Variants in SMIM27 observed in about 807,000 individuals in gnomAD.
The protein encoded by SMIM27 is transition zone microprotein 1.
SMIM27 carries 3 observed loss-of-function variants against 1.8 expected under a neutral mutation model. The observed-to-expected ratio is 1.65, with a 90% CI of 0.75 to 4.28. The LOEUF (loss-of-function observed/expected upper bound fraction) is 4.28, where lower values mean the gene tolerates loss of function less well. Ranked by LOEUF, SMIM27 falls within the 30% of genes most tolerant of loss-of-function variation. The probability of loss-of-function intolerance (pLI) is 0.02; values close to 1 mark genes in which losing one functional copy is unlikely to be tolerated. For synonymous variants in SMIM27, 19 were observed against 13.9 expected, an observed-to-expected ratio of 1.37 and a Z score of -0.82; for missense variants, 63 against 37.0, an observed-to-expected ratio of 1.70 and a Z score of -1.83.
chr9:32,559,059 A>T, intron 1 of SMIM27: 1 of 686,532 alleles, frequency 1.5e-6, no homozygotes, highest in South Asian at 2.1e-5. Context: ...AAACTTTCAC[A>T]GAACTCCAGA....
upstream of SMIM27, among the ~76,000 whole-genome samples, chr9:32,551,967 G>A (rs940082163): frequency 5.3e-5 from 8 of 151,880 alleles, no homozygotes; most frequent in Non-Finnish European, 4.4e-5. Context: ...CATCTAAATC[G>A]TGTGGTATCA....
rs757342756 is a variant in SMIM27, at chr9:32,552,417, TGC to T, written c.-17_-16del. On this transcript the variant is annotated 5_prime_UTR_variant, in exon 1 of 2. Coordinates refer to ENST00000692500, the MANE Select transcript of SMIM27 (RefSeq NM_001387564.1). ...GCAGCTCCCGCCAGCTCCCGCGGAC[TGC>T]TGCCGCCTCCTTACCATGAAGCCAG... The T allele has an allele frequency of 1.2e-6, 2 of 1,609,190 alleles. No homozygotes were observed. Among genetic ancestry groups the T allele is most frequent in the South Asian group, 2.2e-5 (2 of 90,128 alleles).
Position 32,552,464 on chromosome 9 carries a change from C to T in SMIM27, c.30C>T (p.Asp10=). ...AGCCAGTAAGTCGTCGCACGCTGGA[C>T]TGGATTTATTCAGTGGTAAGTCCCG... MKPVSRRTL[D]WIYSVLLLAI... The change falls in exon 1 of 2, where the codon GAC becomes GAT. Residue 10 remains aspartate (D), a synonymous_variant. Transcript: ENST00000692500. 5.6e-6 allele frequency: 9 copies of T among 1,600,564 alleles called. No homozygotes were observed. Among genetic ancestry groups the T allele is most frequent in the Non-Finnish European group, 7.7e-6 (9 of 1,174,082 alleles).
At chr9:32,551,238 T>A, upstream of SMIM27, 1 of 584,942 alleles carries the variant, frequency 1.7e-6, no homozygotes, top group Admixed American at 3.0e-5. Context: ...TGTTCGCCCC[T>A]AACTTACCCG....
chr9:32,565,820 A>G lies in SMIM27; in HGVS notation c.46-571A>G, dbSNP rs1587647400. Among the ~76,000 whole-genome samples, 3 of 152,192 alleles carry G rather than the reference A, an allele frequency of 2.0e-5. No individual in the cohort carries two copies. The Middle Eastern group carries it at 0.01, about 518-fold the overall frequency. ...AACCCTGTCTCTACTAAAAATACAA[A>G]AATTAGCCAGGCATGGTGGCACATA... is the stretch of plus-strand genomic sequence containing the variant. On this transcript the variant is annotated intron_variant, in intron 1 of 1. Coordinates refer to the SMIM27 transcript ENST00000451672.
At chr9:32,559,652 T>C (rs1448450271) in intron 1 of SMIM27, among the ~76,000 whole-genome samples, 1 of 152,192 alleles carries the variant, frequency 6.6e-6, no homozygotes, top group Non-Finnish European at 1.5e-5. Flanking sequence ...TGTATCTTCA[T>C]TTCATTTATG....
intron 1 of SMIM27, among the ~76,000 whole-genome samples, chr9:32,559,580 A>C (rs767935339): frequency 6.6e-5 from 10 of 152,134 alleles, no homozygotes; most frequent in Non-Finnish European, 1.2e-4. Flanking sequence ...CTTGTGCCTC[A>C]AGGCCTCTGT....
At chr9:32,562,596 AAAT>A (rs1821657149) in intron 1 of SMIM27, among the ~76,000 whole-genome samples, 1 of 152,220 alleles carries the variant, frequency 6.6e-6, no homozygotes. Context: ...GCAAGAATGA[AAAT>A]AATTTTTTCC....
In SMIM27 at chr9:32,560,246, C is replaced by T. The variant is rs976868901; in HGVS notation, c.46-6145C>T. On this transcript the variant is annotated intron_variant, in intron 1 of 1. Transcript: ENST00000451672. ...AGTGGCTCTGGGACCTCTACTGACA[C>T]AAAATGTTTAACTAAATATGTCCAT... Among the ~76,000 whole-genome samples, 4 of 152,212 alleles carry T rather than the reference C, an allele frequency of 2.6e-5. No homozygotes were observed. In the East Asian group the frequency reaches 5.8e-4, roughly 22 times the overall value.
At chr9:32,565,740 G>C (rs931281762) in intron 1 of SMIM27, 1 of 153,802 alleles carries the variant, frequency 6.5e-6, no homozygotes, top group African/African-American at 2.4e-5. Flanking sequence ...GGTAGGCCGA[G>C]GCAGGTGGAT....
chr9:32,559,046 T>G, intron 1 of SMIM27: 1 of 814,394 alleles, frequency 1.2e-6, no homozygotes, highest in Non-Finnish European at 2.0e-6. Flanking sequence ...TAACTTAAGC[T>G]CCAAACTTTC....
At chr9:32,565,617 A>C (rs1019348870) in intron 1 of SMIM27, 1 of 152,696 alleles carries the variant, frequency 6.5e-6, no homozygotes, top group East Asian at 1.9e-4. Flanking sequence ...CTGACGACTC[A>C]CAAGACATCC....
In SMIM27 at chr9:32,552,401, G is replaced by T. The variant is rs766145689; in HGVS notation, c.-34G>T. On this transcript the variant is annotated 5_prime_UTR_variant, in exon 1 of 2. Coordinates refer to ENST00000692500, the MANE Select transcript of SMIM27 (RefSeq NM_001387564.1). Reference sequence around the variant, plus strand: ...GGTTACTGTAAGGCCCGCAGCTCCCGCCAGCTCCCGCGGACTGCTGCCGCC... The same window carrying T: ...GGTTACTGTAAGGCCCGCAGCTCCCTCCAGCTCCCGCGGACTGCTGCCGCC... The T allele has an allele frequency of 3.3e-5, 53 of 1,605,786 alleles. No individual in the cohort carries two copies. The South Asian group carries it at 5.3e-4, about 16-fold the overall frequency.
In SMIM27 at chr9:32,552,444, G is replaced by A; in HGVS notation, c.10G>A (p.Val4Ile). 2.5e-6 allele frequency: 4 copies of A among 1,607,036 alleles called. No homozygotes were observed. The African/African-American group carries it at 5.3e-5, about 21-fold the overall frequency. The change falls in exon 1 of 2, where the codon GTA becomes ATA. Residue 4 changes from valine (V) to isoleucine (I), a missense_variant. Coordinates refer to ENST00000692500, the MANE Select transcript of SMIM27 (RefSeq NM_001387564.1). MKP[V>I]SRRTLDWIYS... ...CTGCCGCCTCCTTACCATGAAGCCA[G>A]TAAGTCGTCGCACGCTGGACTGGAT... is the stretch of plus-strand genomic sequence containing the variant.
At chr9:32,562,311 T>C (rs1563994315) in intron 1 of SMIM27, among the ~76,000 whole-genome samples, 1 of 152,224 alleles carries the variant, frequency 6.6e-6, no homozygotes, top group Non-Finnish European at 1.5e-5. Context: ...CACTCCGTAC[T>C]TGTTAATCAA....
At chr9:32,557,215 A>G (rs1821487365), downstream of SMIM27, among the ~76,000 whole-genome samples, 2 of 138,724 alleles carry the variant, frequency 1.4e-5, no homozygotes, top group South Asian at 2.3e-4. Context: ...CCCAGGCTGG[A>G]GTGCAGTGGC....
downstream of SMIM27, among the ~76,000 whole-genome samples, chr9:32,554,377 A>C (rs2118995117): frequency 1.3e-5 from 2 of 152,340 alleles, no homozygotes; most frequent in South Asian, 4.1e-4. Flanking sequence ...ACAGAATACA[A>C]ACTTTGGCTA....
chr9:32,552,126 T>C (rs1465655441), upstream of SMIM27: 3 of 566,004 alleles, frequency 5.3e-6, no homozygotes, highest in Admixed American at 6.3e-5. Context: ...AATATTGCAT[T>C]GCAACTAGAA....
At chr9:32,557,565 C>T (rs1399745869), downstream of SMIM27, among the ~76,000 whole-genome samples, 2 of 151,918 alleles carry the variant, frequency 1.3e-5, no homozygotes, top group Non-Finnish European at 2.9e-5. Flanking sequence ...CTGCAACCTC[C>T]GCCTTCCAGT....
Sources: gnomAD v4.1 joint callset for allele counts (sites outside exome capture counted in the v4.1 genomes callset) on GRCh38, gnomAD v4.1.1 for gene constraint, MANE v1.5 for transcripts, NCBI Gene and HGNC (gene_info 2026-07-23, HGNC 2026-07-21) for gene names.